The following EXOC4 variants were observed in gnomAD, a reference collection of about 807,000 sequenced individuals.
EXOC4 encodes exocyst complex component 4.
EXOC4 carries 71 observed loss-of-function variants against 107.2 expected under a neutral mutation model. The ratio of observed to expected loss-of-function variants is 0.66; its 90% CI spans 0.55 to 0.81. EXOC4 has a LOEUF of 0.81. EXOC4 is among the 30% of genes least tolerant of loss of function. The probability of loss-of-function intolerance (pLI) is 0.00; values close to 1 mark genes in which losing one functional copy is unlikely to be tolerated. For synonymous variants in EXOC4, 456 were observed against 441.2 expected (o/e 1.03, Z -0.42); for missense variants, 1,108 against 1,189.6 (o/e 0.93, Z 1.01).
At chr7:133,982,924 A>G (rs1260069376) in intron 14 of EXOC4, among the ~76,000 whole-genome samples, 2 of 152,218 alleles carry the variant, frequency 1.3e-5, no homozygotes, top group African/African-American at 2.4e-5. Flanking sequence ...TGTACCTGCT[A>G]TTGCTTAAGA....
intron 9 of EXOC4, among the ~76,000 whole-genome samples, chr7:133,613,264 T>C (rs1406766923): frequency 4.6e-5 from 7 of 152,054 alleles, no homozygotes; most frequent in African/African-American, 1.7e-4. Flanking sequence ...TAAAGAAACA[T>C]GAAGATGCAG....
intron 1 of EXOC4, among the ~76,000 whole-genome samples, chr7:133,273,953 C>T (rs1793931741): frequency 1.3e-5 from 2 of 152,028 alleles, no homozygotes; most frequent in Non-Finnish European, 2.9e-5. Context: ...CTCTAAATTA[C>T]CACAGCCAAC....
the EXOC4 span, among the ~76,000 whole-genome samples, chr7:134,076,624 A>G: frequency 6.6e-6 from 1 of 151,718 alleles, no homozygotes; most frequent in Non-Finnish European, 1.5e-5. Context: ...ATCTCTCTTT[A>G]ACATATATGT....
At chr7:133,676,892 CAAAA>C (rs1449914801) in intron 10 of EXOC4, among the ~76,000 whole-genome samples, 2 of 147,688 alleles carry the variant, frequency 1.4e-5, no homozygotes, top group Admixed American at 1.4e-4. Context: ...TTCATTTAAT[CAAAA>C]AATAAATTAT....
intron 10 of EXOC4, among the ~76,000 whole-genome samples, chr7:133,736,240 G>A (rs1338604225): frequency 6.6e-6 from 1 of 152,144 alleles, no homozygotes; most frequent in Non-Finnish European, 1.5e-5. Context: ...CCAAACAGTA[G>A]GCTGTGTTCC....
rs1487635085 is a variant in EXOC4, at chr7:133,253,086, T to G, written c.-16T>G. The G allele has an allele frequency of 6.2e-7, 1 of 1,613,730 alleles. No homozygotes were observed. Among genetic ancestry groups the G allele is most frequent in the African/African-American group, 1.3e-5 (1 of 74,900 alleles). ...CTTGGCTTCCTTGGAGCCTAGCGGC[T>G]CTCCCCGCGTCCAAGATGGCGGCAG... On this transcript the variant is annotated 5_prime_UTR_variant, in exon 1 of 18. Transcript: ENST00000253861.
chr7:133,971,474 T>C lies in EXOC4; in HGVS notation c.2207-26018T>C, dbSNP rs541010397. ...TCTTATGAGAATATGTGAATATATA[T>C]ACACATATATACATAAATATATTTT... On this transcript the variant is annotated intron_variant, in intron 14 of 17. Transcript: ENST00000253861. 1.8e-4 allele frequency among the ~76,000 whole-genome samples: 27 copies of C among 150,342 alleles called. No individual in the cohort carries two copies. In the South Asian group the frequency reaches 4.2e-3, roughly 24 times the overall value.
intron 6 of EXOC4, among the ~76,000 whole-genome samples, chr7:133,361,799 C>A (rs757226769): frequency 5.3e-5 from 8 of 151,972 alleles, no homozygotes; most frequent in Admixed American, 2.0e-4. Flanking sequence ...TGTATTACTT[C>A]AAAATAAAAT....
intron 7 of EXOC4, chr7:133,447,498 TAGAG>T (rs1191042496): frequency 6.6e-6 from 1 of 152,050 alleles, no homozygotes; most frequent in African/African-American, 2.4e-5. Flanking sequence ...TCCTAGTACT[TAGAG>T]AGTTCACATT....
At chr7:133,480,518 T>C in intron 9 of EXOC4, 1 of 971,610 alleles carries the variant, frequency 1.0e-6, no homozygotes, top group Non-Finnish European at 1.3e-6. Context: ...ACCTGAGATT[T>C]GGGAAAGGGA....
chr7:133,884,343 G>C (rs1478601965), intron 11 of EXOC4, among the ~76,000 whole-genome samples: 2 of 152,070 alleles, frequency 1.3e-5, no homozygotes, highest in Admixed American at 1.3e-4. Context: ...TCGCACCAAC[G>C]ACCTCCACCT....
At chr7:133,402,938 G>T (rs1320290583) in intron 7 of EXOC4, among the ~76,000 whole-genome samples, 1 of 147,378 alleles carries the variant, frequency 6.8e-6, no homozygotes, top group Admixed American at 6.8e-5. Context: ...AGGCTAGAGA[G>T]CAGTGGAACG....
chr7:133,406,532 G>C (rs1317528224), intron 7 of EXOC4, among the ~76,000 whole-genome samples: 1 of 152,096 alleles, frequency 6.6e-6, no homozygotes, highest in East Asian at 1.9e-4. Context: ...GGGAAGGTAT[G>C]TATTTTTTGA....
intron 5 of EXOC4, among the ~76,000 whole-genome samples, chr7:133,352,320 T>C (rs1309201098): frequency 6.6e-6 from 1 of 152,012 alleles, no homozygotes; most frequent in Non-Finnish European, 1.5e-5. Context: ...ATTCTGTCAG[T>C]TTTTGCTTCA....
chr7:133,762,789 G>A (rs182986114), intron 10 of EXOC4, among the ~76,000 whole-genome samples: 105 of 152,050 alleles, frequency 6.9e-4, no homozygotes, highest in African/African-American at 2.4e-3. Flanking sequence ...AATAATTTCC[G>A]AATAGTATGT....
At chr7:133,486,559 G>T (rs1799273528) in intron 9 of EXOC4, among the ~76,000 whole-genome samples, 1 of 152,040 alleles carries the variant, frequency 6.6e-6, no homozygotes, top group Admixed American at 6.6e-5. Flanking sequence ...AAAATTCTTT[G>T]TTGCCTTCTA....
chr7:133,683,232 C>G (rs955508112), intron 10 of EXOC4, among the ~76,000 whole-genome samples: 1 of 152,174 alleles, frequency 6.6e-6, no homozygotes, highest in Non-Finnish European at 1.5e-5. Context: ...AGTAAAGTCA[C>G]TGAGAGTGTT....
At chr7:133,972,417 G>A (rs1328390460) in intron 14 of EXOC4, among the ~76,000 whole-genome samples, 1 of 152,144 alleles carries the variant, frequency 6.6e-6, no homozygotes, top group Non-Finnish European at 1.5e-5. Flanking sequence ...CTTTTCTTCT[G>A]AAAATGTGTT....
chr7:133,507,114 C>A (rs1425463184), intron 9 of EXOC4, among the ~76,000 whole-genome samples: 2 of 151,892 alleles, frequency 1.3e-5, no homozygotes, highest in Non-Finnish European at 2.9e-5. Context: ...TTTTAAAAGA[C>A]CATAAAGTAA....
Sources: gnomAD v4.1 joint callset for allele counts (sites outside exome capture counted in the v4.1 genomes callset) on GRCh38, gnomAD v4.1.1 for gene constraint, MANE v1.5 for transcripts, NCBI Gene and HGNC (gene_info 2026-07-23, HGNC 2026-07-21) for gene names.